Variants in SLC35F3 observed in about 807,000 individuals in gnomAD.
SLC35F3 encodes putative thiamine transporter SLC35F3.
Under a neutral mutation model 49.9 loss-of-function variants are expected in SLC35F3, and 25 were observed. That is an observed-to-expected ratio of 0.50 (90% confidence interval 0.37 to 0.70). The LOEUF is 0.70. SLC35F3 is among the 30% of genes least tolerant of loss of function. The pLI, the probability that SLC35F3 is intolerant of heterozygous loss-of-function variation, is 0.00. For missense variants in SLC35F3, 525 were observed against 639.8 expected (o/e 0.82, Z 1.94); for synonymous variants, 275 against 265.4 (o/e 1.04, Z -0.35).
chr1:233,983,057 C>T (rs752713643), intron 2 of SLC35F3, among the ~76,000 whole-genome samples: 1 of 152,148 alleles, frequency 6.6e-6, no homozygotes, highest in African/African-American at 2.4e-5. Context: ...CGTGGCTGCA[C>T]GTCATCCCCC....
At chr1:234,113,655 G>C (rs1230950629) in intron 2 of SLC35F3, among the ~76,000 whole-genome samples, 1 of 152,140 alleles carries the variant, frequency 6.6e-6, no homozygotes, top group Non-Finnish European at 1.5e-5. Context: ...CCTGAGATCA[G>C]GAGTTCAAGA....
intron 2 of SLC35F3, among the ~76,000 whole-genome samples, chr1:233,919,308 A>G (rs529469271): frequency 1.3e-5 from 2 of 152,204 alleles, no homozygotes; most frequent in Non-Finnish European, 2.9e-5. Context: ...ACTTAGTGCC[A>G]TCTTCCAGAT....
At chr1:234,081,133 C>A (rs1412172811) in intron 2 of SLC35F3, among the ~76,000 whole-genome samples, 1 of 152,148 alleles carries the variant, frequency 6.6e-6, no homozygotes, top group Non-Finnish European at 1.5e-5. Flanking sequence ...TTCAGTCTTT[C>A]CCAAAGCTCT....
rs545464887 is a variant in SLC35F3, at chr1:234,238,452, A to G, written c.608+6711A>G. Among the ~76,000 whole-genome samples, 6 of 152,334 alleles carry G rather than the reference A, an allele frequency of 3.9e-5. No homozygotes were observed. In the South Asian group the frequency reaches 1.0e-3, roughly 26 times the overall value. On this transcript the variant is annotated intron_variant, in intron 3 of 7. Coordinates refer to ENST00000366618, the MANE Select transcript of SLC35F3 (RefSeq NM_173508.4). The stretch of plus-strand genomic sequence containing the variant: ...TTTAAGACAACACTTGCCATATTCA[A>G]GAATACATCAGTGGTGAAATGAAAC...
intron 2 of SLC35F3, among the ~76,000 whole-genome samples, chr1:234,054,008 T>G (rs1265344980): frequency 1.3e-5 from 2 of 152,174 alleles, no homozygotes; most frequent in Admixed American, 1.3e-4. Flanking sequence ...TGCTGAGAGA[T>G]TTGCTGTTAG....
chr1:233,955,659 A>G (rs1662684939), intron 2 of SLC35F3, among the ~76,000 whole-genome samples: 1 of 151,962 alleles, frequency 6.6e-6, no homozygotes, highest in Non-Finnish European at 1.5e-5. Context: ...ACCACAGGAC[A>G]CTTGCAACTG....
chr1:234,029,091 GA>G (rs1348777709), intron 2 of SLC35F3, among the ~76,000 whole-genome samples: 3 of 152,078 alleles, frequency 2.0e-5, no homozygotes, highest in African/African-American at 7.2e-5. Flanking sequence ...TCTTTCATTC[GA>G]AAAACATCGG....
At chr1:234,121,680 A>G (rs956117218) in intron 2 of SLC35F3, among the ~76,000 whole-genome samples, 5 of 151,976 alleles carry the variant, frequency 3.3e-5, no homozygotes, top group Non-Finnish European at 4.4e-5. Flanking sequence ...CGTCATTTAC[A>G]TTAAGTATAT....
chr1:233,930,734 C>G lies in SLC35F3; in HGVS notation c.283+24976C>G, dbSNP rs141751995. Among the ~76,000 whole-genome samples, 225 of 152,194 alleles carry G rather than the reference C, an allele frequency of 1.5e-3. 1 individual carries two copies. The highest frequency in any genetic ancestry group is 5.3e-3 in the African/African-American group (219 of 41,518). Reference sequence around the variant, plus strand: ...CATGTTCATTATAGCTTATTGTATACTATGTTCTTACAATAAATTAAGCTG... The same window carrying G: ...CATGTTCATTATAGCTTATTGTATAGTATGTTCTTACAATAAATTAAGCTG... On this transcript the variant is annotated intron_variant, in intron 2 of 7. Coordinates refer to ENST00000366618, the MANE Select transcript of SLC35F3 (RefSeq NM_173508.4).
chr1:234,149,954 G>A (rs1666053923), intron 2 of SLC35F3, among the ~76,000 whole-genome samples: 1 of 152,140 alleles, frequency 6.6e-6, no homozygotes, highest in Admixed American at 6.5e-5. Context: ...TGTGCTACAG[G>A]ATGCATTTTG....
intron 2 of SLC35F3, among the ~76,000 whole-genome samples, chr1:234,192,213 G>A (rs1382535447): frequency 6.6e-6 from 1 of 152,038 alleles, no homozygotes; most frequent in Non-Finnish European, 1.5e-5. Flanking sequence ...ATAAATGCTA[G>A]TGAACCAAAT....
chr1:234,063,966 G>A (rs763155554), intron 2 of SLC35F3, among the ~76,000 whole-genome samples: 2 of 152,182 alleles, frequency 1.3e-5, no homozygotes, highest in Admixed American at 1.3e-4. Flanking sequence ...AGATAGTCCT[G>A]TATTGTTAAC....
chr1:234,256,781 G>A (rs1192252397), intron 3 of SLC35F3, among the ~76,000 whole-genome samples: 2 of 152,178 alleles, frequency 1.3e-5, no homozygotes, highest in African/African-American at 2.4e-5. Flanking sequence ...GTAAATATTC[G>A]TGACTGCTCC....
chr1:234,049,565 G>C (rs555552477), intron 2 of SLC35F3, among the ~76,000 whole-genome samples: 2 of 152,276 alleles, frequency 1.3e-5, no homozygotes, highest in South Asian at 2.1e-4. Flanking sequence ...AGGCCACTCA[G>C]TCTGTGGTAT....
At position 234,320,185 on chromosome 1, in the gene SLC35F3, C is replaced by G; in HGVS notation, c.1235C>G (p.Ala412Gly). The change falls in exon 7 of 8, where the codon GCA becomes GGA. Residue 412 changes from alanine (A) to glycine (G), a missense_variant and splice_region_variant. Coordinates refer to ENST00000366618, the MANE Select transcript of SLC35F3 (RefSeq NM_173508.4). This position sits in a 1 kb window ranked among gnomAD's most constrained non-coding sequence, Gnocchi z 4.8. Reference protein sequence around the residue: ...LGIVLSIPVNAVIDHYTSQIV... With the variant: ...LGIVLSIPVNGVIDHYTSQIV... ...ATCGTCCTCAGCATACCTGTGAATG[C>G]AGGTAAACCTATGCGGCTTTCTATA... The G allele has an allele frequency of 6.2e-7, 1 of 1,612,376 alleles. No homozygotes were observed. Among genetic ancestry groups the G allele is most frequent in the Non-Finnish European group, 8.5e-7 (1 of 1,178,564 alleles).
intron 2 of SLC35F3, among the ~76,000 whole-genome samples, chr1:234,123,576 A>ATT (rs71170464): frequency 0.38 from 56,085 of 146,502 alleles, 12,441 homozygotes; most frequent in Non-Finnish European, 0.51. Context: ...TGCCTGGTTA[A>ATT]TTTTTTTTTT....
chr1:234,209,460 T>C (rs975113196), intron 2 of SLC35F3, among the ~76,000 whole-genome samples: 13 of 152,088 alleles, frequency 8.5e-5, no homozygotes, highest in African/African-American at 1.7e-4. Flanking sequence ...CTGGATAATT[T>C]TGTTTATGTG....
At chr1:234,219,006 G>C (rs1284823785) in intron 2 of SLC35F3, among the ~76,000 whole-genome samples, 1 of 133,252 alleles carries the variant, frequency 7.5e-6, no homozygotes, top group African/African-American at 3.1e-5. Flanking sequence ...CCCAGATCAT[G>C]CCACTGCACG....
intron 2 of SLC35F3, among the ~76,000 whole-genome samples, chr1:233,977,904 T>C (rs1183515040): frequency 6.6e-6 from 1 of 152,048 alleles, no homozygotes; most frequent in Non-Finnish European, 1.5e-5. Context: ...ACATGGAAAA[T>C]TAGGAGAAGC....
Sources: gnomAD v4.1 joint callset for allele counts (sites outside exome capture counted in the v4.1 genomes callset) on GRCh38, gnomAD v4.1.1 for gene constraint, Gnocchi (gnomAD v3.1) non-coding constraint, MANE v1.5 for transcripts, NCBI Gene and HGNC (gene_info 2026-07-23, HGNC 2026-07-21) for gene names.